NLGN1: variants seen among roughly 807,000 people sequenced by gnomAD.
NLGN1 encodes neuroligin-1.
NLGN1 carries 12 observed loss-of-function variants against 65.5 expected under a neutral mutation model. The observed-to-expected ratio is 0.18, with a 90% CI of 0.12 to 0.30. The LOEUF (loss-of-function observed/expected upper bound fraction) is 0.30, where lower values mean the gene tolerates loss of function less well. Ranked by LOEUF, NLGN1 falls within the 10% of genes least tolerant of loss-of-function variation. The pLI, the probability that NLGN1 is intolerant of heterozygous loss-of-function variation, is 1.00. For synonymous variants in NLGN1, 350 were observed against 359.5 expected, an observed-to-expected ratio of 0.97 and a Z score of 0.30; for missense variants, 750 against 1,007.1, an observed-to-expected ratio of 0.74 and a Z score of 3.46.
chr3:174,106,040 C>T (rs963343195), intron 4 of NLGN1, among the ~76,000 whole-genome samples: 2 of 152,194 alleles, frequency 1.3e-5, no homozygotes, highest in South Asian at 4.1e-4. Context: ...TACCTTTACA[C>T]GAAACATCTT....
intron 3 of NLGN1, among the ~76,000 whole-genome samples, chr3:173,796,560 C>G (rs1052013180): frequency 2.6e-5 from 4 of 152,072 alleles, no homozygotes; most frequent in Non-Finnish European, 4.4e-5. Context: ...TACTCTCACT[C>G]CCTTTCAAAA....
intron 1 of NLGN1, among the ~76,000 whole-genome samples, chr3:173,404,982 T>C (rs1452054434): frequency 1.3e-5 from 2 of 152,088 alleles, no homozygotes; most frequent in Non-Finnish European, 2.9e-5. Flanking sequence ...TTTAGACAAA[T>C]AGATATAGAT....
At chr3:173,685,703 G>A (rs1381267629) in intron 3 of NLGN1, 5 of 985,190 alleles carry the variant, frequency 5.1e-6, no homozygotes, top group Non-Finnish European at 6.0e-6. Context: ...AGGAAGTTTG[G>A]TAAATGATCC....
chr3:174,001,552 G>C (rs936141261), intron 4 of NLGN1, among the ~76,000 whole-genome samples: 2 of 152,116 alleles, frequency 1.3e-5, no homozygotes, highest in Non-Finnish European at 2.9e-5. Context: ...GTATTGTAGG[G>C]GTTAAGAGGA....
chr3:173,438,765 G>C (rs1375194397), intron 2 of NLGN1, among the ~76,000 whole-genome samples: 2 of 152,096 alleles, frequency 1.3e-5, no homozygotes, highest in African/African-American at 4.8e-5. Context: ...AAAAGATAAA[G>C]ATACAGTTGC....
intron 4 of NLGN1, among the ~76,000 whole-genome samples, chr3:173,897,360 T>A (rs1736518542): frequency 6.6e-6 from 1 of 152,234 alleles, no homozygotes; most frequent in African/African-American, 2.4e-5. Context: ...AAATTTGGTA[T>A]CTTCCCTTGA....
intron 4 of NLGN1, among the ~76,000 whole-genome samples, chr3:174,007,385 T>C (rs2152435589): frequency 6.6e-6 from 1 of 152,330 alleles, no homozygotes; most frequent in East Asian, 1.9e-4. Flanking sequence ...TGTTATTATT[T>C]TCCATTCTGT....
downstream of NLGN1, among the ~76,000 whole-genome samples, chr3:174,288,237 A>C (rs1228355295): frequency 6.6e-6 from 1 of 151,620 alleles, no homozygotes; most frequent in African/African-American, 2.4e-5. Context: ...TAAGGTATGT[A>C]GCAGACATCT....
intron 2 of NLGN1, among the ~76,000 whole-genome samples, chr3:173,539,949 C>A (rs529633316): frequency 6.8e-6 from 1 of 147,102 alleles, no homozygotes; most frequent in South Asian, 2.1e-4. Flanking sequence ...GTATATATAT[C>A]TTAGTGATAG....
intron 2 of NLGN1, among the ~76,000 whole-genome samples, chr3:173,442,301 C>A (rs1719352222): frequency 6.6e-6 from 1 of 152,002 alleles, no homozygotes. Context: ...GAGTTATTTC[C>A]ATTGTATTTA....
chr3:174,260,383 G>A (rs1355547078), intron 4 of NLGN1, among the ~76,000 whole-genome samples: 1 of 150,518 alleles, frequency 6.6e-6, no homozygotes, highest in Non-Finnish European at 1.5e-5. Context: ...CATTCTAACT[G>A]GTGTGAGATG....
At chr3:173,983,934 C>G (rs894209377) in intron 4 of NLGN1, among the ~76,000 whole-genome samples, 3 of 152,166 alleles carry the variant, frequency 2.0e-5, no homozygotes, top group Admixed American at 6.6e-5. Flanking sequence ...AGAAGGCACT[C>G]CAATACATAC....
chr3:173,885,712 G>T (rs1734213894), intron 4 of NLGN1, among the ~76,000 whole-genome samples: 1 of 151,926 alleles, frequency 6.6e-6, no homozygotes, highest in South Asian at 2.1e-4. Flanking sequence ...TTTTTATACT[G>T]CTGGATGTCA....
intron 4 of NLGN1, among the ~76,000 whole-genome samples, chr3:174,028,839 G>A (rs750580351): frequency 2.6e-5 from 4 of 152,176 alleles, no homozygotes; most frequent in Non-Finnish European, 4.4e-5. Flanking sequence ...CTCATCACAG[G>A]CCTGGAGGCT....
At chr3:173,406,637 C>T (rs77381527) in intron 1 of NLGN1, among the ~76,000 whole-genome samples, 2,703 of 151,140 alleles carry the variant, frequency 0.018, 62 homozygotes, top group African/African-American at 0.058. Context: ...TTGGACCAGT[C>T]AGATGCTACT....
intron 3 of NLGN1, among the ~76,000 whole-genome samples, chr3:173,764,105 C>G (rs968766603): frequency 6.6e-6 from 1 of 152,108 alleles, no homozygotes; most frequent in African/African-American, 2.4e-5. Flanking sequence ...TTCATATTCT[C>G]ACCAATGAAT....
Position 174,279,690 on chromosome 3 carries a change from GTTA to G in NLGN1, c.1649+43_1649+45del. On this transcript the variant is annotated intron_variant, in intron 6 of 6. Transcript: ENST00000457714. This position sits in a 1 kb window ranked among gnomAD's most constrained non-coding sequence, Gnocchi z 4.7. ...AATGAAGTTTATTTTTAATAAAAAT[GTTA>G]TTTTAACCATTTTAAAATAATAGAT... 2.4e-6 allele frequency: 3 copies of G among 1,253,074 alleles called. No homozygotes were observed. Among genetic ancestry groups the G allele is most frequent in the Non-Finnish European group, 3.3e-6 (3 of 896,820 alleles). The allele number at this position is 1,253,074 out of a possible 1,614,324, so 77.6% of individuals were successfully genotyped here. A position where few individuals can be genotyped will look rare whatever the true frequency, so the allele number is the denominator to read the frequency against.
intron 3 of NLGN1, among the ~76,000 whole-genome samples, chr3:173,706,171 A>G (rs929334337): frequency 3.3e-5 from 5 of 152,272 alleles, no homozygotes; most frequent in South Asian, 4.1e-4. Flanking sequence ...ATGATTTGGT[A>G]TATACCTTTC....
intron 2 of NLGN1, among the ~76,000 whole-genome samples, chr3:173,560,211 A>G (rs1193311086): frequency 4.7e-4 from 72 of 152,136 alleles, no homozygotes; most frequent in Non-Finnish European, 1.3e-4. Flanking sequence ...GATTACTACA[A>G]GCGTGAGCCA....
Sources: gnomAD v4.1 joint callset for allele counts (sites outside exome capture counted in the v4.1 genomes callset) on GRCh38, gnomAD v4.1.1 for gene constraint, Gnocchi (gnomAD v3.1) non-coding constraint, MANE v1.5 for transcripts, NCBI Gene and HGNC (gene_info 2026-07-23, HGNC 2026-07-21) for gene names.